RUNX3: variants seen among roughly 807,000 people sequenced by gnomAD.
The protein encoded by RUNX3 is RUNX family transcription factor 3.
In RUNX3, 10 loss-of-function variants were observed where a neutral mutation model predicts 27.7. The ratio of observed to expected loss-of-function variants is 0.36; its 90% CI spans 0.22 to 0.61. The LOEUF (loss-of-function observed/expected upper bound fraction) is 0.61. RUNX3 is among the 20% of genes least tolerant of loss of function. RUNX3 has a pLI of 0.72. For synonymous variants in RUNX3, 270 were observed against 269.2 expected (o/e 1.00, Z -0.03); for missense variants, 469 against 629.5 (o/e 0.75, Z 2.73).
At chr1:24,925,756 C>T (rs889397698) in intron 2 of RUNX3, among the ~76,000 whole-genome samples, 11 of 152,100 alleles carry the variant, frequency 7.2e-5, no homozygotes, top group African/African-American at 2.7e-4. Context: ...GGTTATGGAC[C>T]TCTGAGAGGA....
At position 24,943,898 on chromosome 1, in the gene RUNX3, T is replaced by C. The variant is rs905773806; in HGVS notation, c.59-14046A>G. Reference sequence around the variant, plus strand: ...TCGTTTGCAGGGAAAGCCTCTTCCTTCTCATCTTGCAGTACTCTAAGAAGA... The same window carrying C: ...TCGTTTGCAGGGAAAGCCTCTTCCTCCTCATCTTGCAGTACTCTAAGAAGA... On this transcript the variant is annotated intron_variant, in intron 2 of 6. Coordinates refer to the RUNX3 transcript ENST00000338888. The surrounding 1 kb of genome is among the most constrained non-coding windows in gnomAD (Gnocchi z 4.6). 1.3e-5 allele frequency among the ~76,000 whole-genome samples: 2 copies of C among 152,180 alleles called. No homozygotes were observed. Among genetic ancestry groups the C allele is most frequent in the South Asian group, 4.1e-4 (2 of 4,830 alleles).
In RUNX3 at chr1:24,929,942, C is replaced by G; in HGVS notation, c.-74G>C. 2 of 1,217,008 alleles carry G rather than the reference C, an allele frequency of 1.6e-6. No individual in the cohort carries two copies. Among genetic ancestry groups the G allele is most frequent in the Non-Finnish European group, 2.0e-6 (2 of 979,994 alleles). 75.4% of individuals were successfully genotyped at this position (1,217,008 alleles called of 1,614,324 possible). A position where few individuals can be genotyped will look rare whatever the true frequency, so the allele number is the denominator to read the frequency against. ...CCGGGGGCGGCCGGCGCGGGCGCCT[C>G]CTCGGCCGCCGCTGCCGCGAGAAGC... is the stretch of plus-strand genomic sequence containing the variant. On this transcript the variant is annotated 5_prime_UTR_variant, in exon 1 of 5. Transcript: ENST00000308873.
chr1:24,952,296 T>C (rs961072085), intron 2 of RUNX3, among the ~76,000 whole-genome samples: 4 of 152,116 alleles, frequency 2.6e-5, no homozygotes, highest in African/African-American at 9.7e-5. Context: ...AAAGTGGACT[T>C]TGCACACACC....
intron 3 of RUNX3, among the ~76,000 whole-genome samples, chr1:24,915,171 C>A (rs1331639840): frequency 6.7e-6 from 1 of 150,292 alleles, no homozygotes; most frequent in Non-Finnish European, 1.5e-5. Flanking sequence ...CGCCTGTAGT[C>A]CCAGCACTTT....
intron 2 of RUNX3, among the ~76,000 whole-genome samples, chr1:24,946,653 C>T (rs1227537613): frequency 2.0e-5 from 3 of 152,252 alleles, no homozygotes; most frequent in South Asian, 2.1e-4. Flanking sequence ...AGGGAACACC[C>T]TGCGTGGATG....
In RUNX3 at chr1:24,907,261, T is replaced by C. The variant is rs765346986; in HGVS notation, c.701A>G (p.Gln234Arg). The C allele has an allele frequency of 1.2e-5, 20 of 1,609,970 alleles. No individual in the cohort carries two copies. The South Asian group carries it at 2.2e-4, about 18-fold the overall frequency. Residue 234 changes from glutamine to arginine, a missense_variant and splice_region_variant, in exon 4 of 5, where the codon CAA becomes CGA. This residue lies in a region of RUNX3 where 279 missense variants were observed against 343.0 expected (regional missense o/e 0.81). Transcript: ENST00000308873. ...HFSSQPQTPI[Q>R]GTSELNPFSD... ...CAGCCCCTCCCTCCGTGCCGTACCT[T>C]GGATTGGGGTCTGGGGCTGGCTGCT...
intron 2 of RUNX3, among the ~76,000 whole-genome samples, chr1:24,960,583 C>G (rs896227792): frequency 6.6e-6 from 1 of 152,216 alleles, no homozygotes; most frequent in Non-Finnish European, 1.5e-5. Flanking sequence ...GCTTCCCTCC[C>G]TGGAGGGGCA....
chr1:24,944,472 A>C (rs1393859280), intron 2 of RUNX3, among the ~76,000 whole-genome samples: 1 of 152,200 alleles, frequency 6.6e-6, no homozygotes, highest in African/African-American at 2.4e-5. Flanking sequence ...AGATGTCCAC[A>C]TCCTAATCCC....
rs1345664423 is a variant in RUNX3, at chr1:24,957,677, A to G, written c.58+6837T>C. Among the ~76,000 whole-genome samples the G allele has an allele frequency of 7.2e-5, 11 of 152,132 alleles. No individual in the cohort carries two copies. In the South Asian group the frequency reaches 2.1e-3, roughly 29 times the overall value. The stretch of plus-strand genomic sequence containing the variant: ...GGAGGAGGAACATTAAATAGTAGTA[A>G]TTTCTGGCATTCCATGAGGGCTTGT... On this transcript the variant is annotated intron_variant, in intron 2 of 6. Transcript: ENST00000338888.
intron 2 of RUNX3, among the ~76,000 whole-genome samples, chr1:24,956,697 G>T (rs540293125): frequency 1.3e-5 from 2 of 152,318 alleles, no homozygotes; most frequent in Admixed American, 6.5e-5. Flanking sequence ...CAGAACTCAG[G>T]CTTGAGGAAG....
intron 2 of RUNX3, among the ~76,000 whole-genome samples, chr1:24,936,829 G>A (rs571386839): frequency 1.8e-4 from 28 of 152,320 alleles, no homozygotes; most frequent in African/African-American, 6.7e-4. Flanking sequence ...GGAGACTGGG[G>A]GCTTTGGCCT....
Position 24,930,133 on chromosome 1 carries a change from C to T in RUNX3, c.-265G>A, listed in dbSNP as rs1243174053. On this transcript the variant is annotated 5_prime_UTR_variant, in exon 1 of 5. Coordinates refer to ENST00000308873, the MANE Select transcript of RUNX3 (RefSeq NM_004350.3). This position sits in a 1 kb window ranked among gnomAD's most constrained non-coding sequence, Gnocchi z 4.1. Reference sequence around the variant, plus strand: ...CGCGCGGCCCCGCGTGCGGCCGCCCCTCGTGGCTGTCCCGGCTGCCTGGGC... The same window carrying T: ...CGCGCGGCCCCGCGTGCGGCCGCCCTTCGTGGCTGTCCCGGCTGCCTGGGC... The T allele has an allele frequency of 1.0e-6, 1 of 979,244 alleles. No homozygotes were observed. 60.7% of individuals were successfully genotyped at this position (979,244 alleles called of 1,614,324 possible). A position where few individuals can be genotyped will look rare whatever the true frequency, so the allele number is the denominator to read the frequency against.
chr1:24,928,986 T>A (rs1194241107), intron 1 of RUNX3: 1 of 453,156 alleles, frequency 2.2e-6, no homozygotes, highest in African/African-American at 2.0e-5. Flanking sequence ...AAGAAAAAGG[T>A]CCTCTAAATG....
intron 4 of RUNX3, among the ~76,000 whole-genome samples, chr1:24,903,842 G>T (rs1313616025): frequency 1.3e-5 from 2 of 152,182 alleles, no homozygotes; most frequent in Non-Finnish European, 2.9e-5. Flanking sequence ...TTGTGTCCTT[G>T]GGCAAGTCAC....
At position 24,936,879 on chromosome 1, in the gene RUNX3, G is replaced by A. The variant is rs193211075; in HGVS notation, c.59-7027C>T. On this transcript the variant is annotated intron_variant, in intron 2 of 6. Transcript: ENST00000338888. ...TTGCGGCTCTATTTCATGTGGTGGT[G>A]AAAGAACGCCTCAGACATTCCTGCC... Among the ~76,000 whole-genome samples the A allele has an allele frequency of 1.9e-3, 289 of 152,350 alleles. 3 individuals carry two copies. The highest frequency in any genetic ancestry group is 6.6e-3 in the African/African-American group (273 of 41,574).
Position 24,929,879 on chromosome 1 carries a change from G to A in RUNX3, c.-11C>T. 3 of 1,279,746 alleles carry A rather than the reference G, an allele frequency of 2.3e-6. No individual in the cohort carries two copies. Among genetic ancestry groups the A allele is most frequent in the Non-Finnish European group, 3.0e-6 (3 of 1,016,488 alleles). 79.3% of individuals were successfully genotyped at this position (1,279,746 alleles called of 1,614,324 possible). ...TACGGGAATACGCATAACAGCGGCC[G>A]TCAGGGCGCCGGGCAGGCGGAGACG... On this transcript the variant is annotated 5_prime_UTR_variant, in exon 1 of 5. The change creates a new upstream start codon in the 5' untranslated region. Transcript: ENST00000308873.
chr1:24,945,866 C>A lies in RUNX3; in HGVS notation c.59-16014G>T, dbSNP rs541949683. On this transcript the variant is annotated intron_variant, in intron 2 of 6. Transcript: ENST00000338888. ...CTAAAACTCCCAGGAGGACTTGGCC[C>A]CCTCTCTTTCCCCTCCCCACCATGG... Among the ~76,000 whole-genome samples, 16 of 152,286 alleles carry A rather than the reference C, an allele frequency of 1.1e-4. No homozygotes were observed. In the East Asian group the frequency reaches 2.9e-3, roughly 28 times the overall value.
At chr1:24,929,486 G>T in intron 1 of RUNX3, 101 bp downstream of exon 1, 1 of 1,216,380 alleles carries the variant, frequency 8.2e-7, no homozygotes, top group South Asian at 1.3e-5. Flanking sequence ...GCGGCGTCTC[G>T]GGCACCTCCC....
rs150686675 is a variant in RUNX3 at position 24,951,707 on chromosome 1, T to C, written c.58+12807A>G. On this transcript the variant is annotated intron_variant, in intron 2 of 6. Transcript: ENST00000338888. ...CTCCTTGACCTGAGGAAACGTCCAT[T>C]AATTCATAGCTACTGTGCTTTGGCG... 1.9e-3 allele frequency among the ~76,000 whole-genome samples: 295 copies of C among 152,328 alleles called. 2 individuals are homozygous for C. The highest frequency in any genetic ancestry group is 6.9e-3 in the African/African-American group (285 of 41,566).
Sources: gnomAD v4.1 joint callset for allele counts (sites outside exome capture counted in the v4.1 genomes callset) on GRCh38, gnomAD v4.1.1 for gene constraint, gnomAD v4.1.1 regional missense constraint, Gnocchi (gnomAD v3.1) non-coding constraint, MANE v1.5 for transcripts, NCBI Gene and HGNC (gene_info 2026-07-23, HGNC 2026-07-21) for gene names.